TMEM196: variants seen among roughly 807,000 people sequenced by gnomAD.
TMEM196 encodes transmembrane protein 196.
Under a neutral mutation model 20.0 loss-of-function variants are expected in TMEM196, and 17 were observed. The observed-to-expected ratio is 0.85, with a 90% confidence interval of 0.58 to 1.27. The LOEUF is 1.27. Among genes scored for constraint, TMEM196 ranks in the 50% most tolerant of loss-of-function variants. The pLI, the probability that TMEM196 is intolerant of heterozygous loss-of-function variation, is 0.00. For synonymous variants in TMEM196, 113 were observed against 88.9 expected, an observed-to-expected ratio of 1.27 and a Z score of -1.52; for missense variants, 267 against 223.0, an observed-to-expected ratio of 1.20 and a Z score of -1.26.
intron 1 of TMEM196, among the ~76,000 whole-genome samples, chr7:19,756,759 T>TC (rs555950917): frequency 1.3e-4 from 20 of 152,194 alleles, no homozygotes; most frequent in Non-Finnish European, 2.8e-4. Flanking sequence ...TCCATCCATG[T>TC]CCTGCAAAAG....
At chr7:19,727,117 T>C (rs1784025076) in intron 2 of TMEM196, among the ~76,000 whole-genome samples, 1 of 152,208 alleles carries the variant, frequency 6.6e-6, no homozygotes, top group African/African-American at 2.4e-5. Context: ...ACGGTTGAGT[T>C]TAGCCTGCAC....
intron 1 of TMEM196, among the ~76,000 whole-genome samples, chr7:19,750,296 C>A (rs1269590056): frequency 6.6e-6 from 1 of 152,112 alleles, no homozygotes; most frequent in Non-Finnish European, 1.5e-5. Flanking sequence ...TTTAATTATA[C>A]CACAATGTAA....
intron 1 of TMEM196, 95 bp from the exon 2 acceptor site, chr7:19,729,533 A>G: frequency 9.0e-7 from 1 of 1,105,528 alleles, no homozygotes; most frequent in East Asian, 2.6e-5. Context: ...TTCTCCAGGG[A>G]AGATAGAACA....
At chr7:19,727,293 C>G (rs771241936) in intron 2 of TMEM196, among the ~76,000 whole-genome samples, 1 of 151,988 alleles carries the variant, frequency 6.6e-6, no homozygotes, top group African/African-American at 2.4e-5. Flanking sequence ...ATGTGTTGCC[C>G]TAGGAGTAGG....
chr7:19,765,888 G>A (rs887891338), intron 1 of TMEM196, among the ~76,000 whole-genome samples: 2 of 152,084 alleles, frequency 1.3e-5, no homozygotes, highest in African/African-American at 4.8e-5. Flanking sequence ...AAAAGAATGG[G>A]TCAAACTAGG....
chr7:19,754,499 A>C (rs1313104921), intron 1 of TMEM196, among the ~76,000 whole-genome samples: 2 of 152,202 alleles, frequency 1.3e-5, no homozygotes, highest in African/African-American at 4.8e-5. Context: ...AATCAGTAGA[A>C]TACAGATGGG....
intron 1 of TMEM196, among the ~76,000 whole-genome samples, chr7:19,744,842 C>T (rs1418137152): frequency 6.6e-6 from 1 of 152,130 alleles, no homozygotes; most frequent in Non-Finnish European, 1.5e-5. Context: ...CTGAAAAGAA[C>T]ATTCTTTAAG....
chr7:19,728,604 T>C (rs868197886), intron 2 of TMEM196, among the ~76,000 whole-genome samples: 2 of 152,168 alleles, frequency 1.3e-5, no homozygotes, highest in African/African-American at 4.8e-5. Context: ...AAAACTCTCT[T>C]TAGGCTCAAA....
intron 4 of TMEM196, 91 bp from the exon 5 acceptor site, chr7:19,722,225 C>G: frequency 9.2e-7 from 1 of 1,086,848 alleles, no homozygotes; most frequent in Non-Finnish European, 1.4e-6. Flanking sequence ...AATTTCAATC[C>G]ATTGAAAAAC....
At chr7:19,752,909 G>A (rs1367288978) in intron 1 of TMEM196, among the ~76,000 whole-genome samples, 1 of 152,066 alleles carries the variant, frequency 6.6e-6, no homozygotes, top group African/African-American at 2.4e-5. Flanking sequence ...CACCCGCCCG[G>A]CCTTTTTGTT....
intron 1 of TMEM196, among the ~76,000 whole-genome samples, chr7:19,748,087 A>C (rs919879312): frequency 1.3e-5 from 2 of 151,928 alleles, no homozygotes; most frequent in African/African-American, 4.8e-5. Context: ...TCCCATGCAT[A>C]TTTATTTATT....
intron 1 of TMEM196, among the ~76,000 whole-genome samples, chr7:19,753,226 A>G (rs1394255186): frequency 6.6e-6 from 1 of 152,144 alleles, no homozygotes; most frequent in Non-Finnish European, 1.5e-5. Flanking sequence ...TGACTCATAA[A>G]TATTTATATG....
chr7:19,772,872 C>G lies in TMEM196; in HGVS notation c.-176G>C. 1.8e-6 allele frequency: 1 copy of G among 550,456 alleles called. No homozygotes were observed. Among genetic ancestry groups the G allele is most frequent in the Non-Finnish European group, 2.8e-6 (1 of 355,454 alleles). 34.1% of individuals were successfully genotyped at this position (550,456 alleles called of 1,614,324 possible). A position where few individuals can be genotyped will look rare whatever the true frequency, so the allele number is the denominator to read the frequency against. On this transcript the variant is annotated 5_prime_UTR_variant, in exon 1 of 5. Coordinates refer to ENST00000405844, the MANE Select transcript of TMEM196 (RefSeq NM_001363562.2). ...TTCCAGAAACGAAGACCTTCCCTGG[C>G]TGGGCCAGAGGCAAAGGAGCTGCTC...
intron 1 of TMEM196, among the ~76,000 whole-genome samples, chr7:19,758,813 T>C (rs2128035931): frequency 6.6e-6 from 1 of 152,302 alleles, no homozygotes; most frequent in East Asian, 1.9e-4. Flanking sequence ...CGTATCTGCA[T>C]TGGCCATTTA....
At chr7:19,741,939 T>C (rs1307550691) in intron 1 of TMEM196, among the ~76,000 whole-genome samples, 1 of 152,146 alleles carries the variant, frequency 6.6e-6, no homozygotes. Context: ...TCTTAGCACT[T>C]TCATCTGAAT....
intron 1 of TMEM196, among the ~76,000 whole-genome samples, chr7:19,754,276 T>C (rs536085960): frequency 6.6e-5 from 10 of 152,354 alleles, no homozygotes; most frequent in Admixed American, 5.2e-4. Context: ...CGCTATCTAT[T>C]ATTGTTTGCA....
intron 4 of TMEM196, 54 bp from the exon 5 acceptor site, chr7:19,722,188 T>C (rs1783836912): frequency 4.1e-6 from 6 of 1,479,266 alleles, no homozygotes; most frequent in Non-Finnish European, 5.6e-6. Flanking sequence ...TAAGACATTG[T>C]TTTGGTTAAT....
At chr7:19,722,631 G>A (rs777858634) in intron 4 of TMEM196, among the ~76,000 whole-genome samples, 8 of 152,194 alleles carry the variant, frequency 5.3e-5, no homozygotes, top group Admixed American at 3.9e-4. Context: ...AAAAATCATA[G>A]TGGGAAAGAT....
chr7:19,722,114 G>A lies in TMEM196; in HGVS notation c.*14C>T. 1.2e-6 allele frequency: 2 copies of A among 1,609,118 alleles called. No homozygotes were observed. Among genetic ancestry groups the A allele is most frequent in the Non-Finnish European group, 1.7e-6 (2 of 1,177,686 alleles). On this transcript the variant is annotated 3_prime_UTR_variant, in exon 5 of 5. Coordinates refer to ENST00000405844, the MANE Select transcript of TMEM196 (RefSeq NM_001363562.2). ...TAAATATCAGCTGTGGTCCTCCATT[G>A]CTCATGTTGTCTGTTATTTCCTGTT... is the stretch of plus-strand genomic sequence containing the variant.
Sources: allele counts gnomAD v4.1 joint callset (sites outside exome capture counted in the v4.1 genomes callset), GRCh38; gene constraint gnomAD v4.1.1; transcripts MANE v1.5; gene names NCBI Gene and HGNC (gene_info 2026-07-23, HGNC 2026-07-21).